The following TSPAN11 variants were observed in gnomAD, a reference collection of about 807,000 sequenced individuals.
The protein encoded by TSPAN11 is tetraspanin-11.
In TSPAN11, 29 loss-of-function variants were observed where a neutral mutation model predicts 32.9. The ratio of observed to expected loss-of-function variants is 0.88; its 90% CI spans 0.66 to 1.20. The LOEUF is 1.20. Among genes scored for constraint, TSPAN11 ranks in the 50% most tolerant of loss-of-function variants. The pLI, the probability that TSPAN11 is intolerant of heterozygous loss-of-function variation, is 0.00. For missense variants in TSPAN11, 283 were observed against 329.1 expected, an observed-to-expected ratio of 0.86 and a Z score of 1.08; for synonymous variants, 140 against 141.3, an observed-to-expected ratio of 0.99 and a Z score of 0.07.
At chr12:31,012,646 G>A in the TSPAN11 span, 1 of 152,082 alleles carries the variant, frequency 6.6e-6, no homozygotes, top group African/African-American at 2.4e-5. Flanking sequence ...AACCTGCCTC[G>A]AATACTCATG....
At chr12:30,961,557 G>T (rs1282286645) in intron 2 of TSPAN11, among the ~76,000 whole-genome samples, 1 of 151,946 alleles carries the variant, frequency 6.6e-6, no homozygotes, top group Non-Finnish European at 1.5e-5. Flanking sequence ...GTTTTCTAAA[G>T]AGATGACCAT....
At chr12:30,991,668 C>G (rs774769505) in intron 7 of TSPAN11, among the ~76,000 whole-genome samples, 188 bp from the exon 8 acceptor site, 3 of 152,214 alleles carry the variant, frequency 2.0e-5, no homozygotes, top group Admixed American at 6.5e-5. Flanking sequence ...CCACCATCAC[C>G]TGGGAGCTTG....
chr12:30,942,848 G>A (rs954591939), intron 1 of TSPAN11, among the ~76,000 whole-genome samples: 3 of 152,136 alleles, frequency 2.0e-5, no homozygotes, highest in Admixed American at 6.5e-5. Context: ...CACCATCCAT[G>A]TGACTCTGTA....
At chr12:30,947,244 A>G (rs1938287353) in intron 1 of TSPAN11, among the ~76,000 whole-genome samples, 1 of 152,316 alleles carries the variant, frequency 6.6e-6, no homozygotes, top group African/African-American at 2.4e-5. Flanking sequence ...AGGGGAGTCC[A>G]TTAGGACAGC....
Position 30,978,569 on chromosome 12 carries a change from C to T in TSPAN11, c.285C>T (p.Cys95=). 6.2e-7 allele frequency: 1 copy of T among 1,614,204 alleles called. No homozygotes were observed. Among genetic ancestry groups the T allele is most frequent in the Non-Finnish European group, 8.5e-7 (1 of 1,180,020 alleles). ...ERKGCLSTYF[C]LLLVIFLVEL... is the part of the protein sequence containing the mutation. The stretch of plus-strand genomic sequence containing the variant: ...TCTCTCTTTGCTGCTAGTATTTCTG[C>T]CTGTTGCTCGTCATCTTCCTGGTTG... Residue 95 remains cysteine (C), a synonymous_variant, in exon 4 of 8, where the codon TGC becomes TGT. Coordinates refer to ENST00000546076, the MANE Select transcript of TSPAN11 (RefSeq NM_001370302.1).
rs774326049 is a variant in TSPAN11 at position 30,979,624 on chromosome 12, C to G, written c.410C>G (p.Pro137Arg). 6.2e-7 allele frequency: 1 copy of G among 1,614,172 alleles called. No homozygotes were observed. Among genetic ancestry groups the G allele is most frequent in the South Asian group, 1.1e-5 (1 of 91,080 alleles). ...NRTLAENYGQ[P>R]GATQITASVD... is the part of the protein sequence containing the mutation. ...ACTCTGGCTGAGAACTACGGGCAGC[C>G]CGGAGCCACGCAGATCACCGCCTCA... Residue 137 changes from proline to arginine, a missense_variant, in exon 5 of 8, where the codon CCC (proline) becomes CGC (arginine). By Grantham distance (103) the Pro-to-Arg change is moderately radical. Transcript: ENST00000546076.
At chr12:30,988,413 C>T (rs1939244541) in intron 7 of TSPAN11, 1 of 152,148 alleles carries the variant, frequency 6.6e-6, no homozygotes, top group Non-Finnish European at 1.5e-5. Flanking sequence ...CAAGGTGAAA[C>T]CCTGTCTGTA....
At chr12:30,976,205 T>A (rs1019617806) in intron 3 of TSPAN11, among the ~76,000 whole-genome samples, 2 of 152,234 alleles carry the variant, frequency 1.3e-5, no homozygotes, top group African/African-American at 4.8e-5. Context: ...GTACCCCTCA[T>A]GCTGTGGGAC....
intron 1 of TSPAN11, among the ~76,000 whole-genome samples, chr12:30,946,854 G>A (rs186772251): frequency 5.3e-5 from 8 of 152,306 alleles, no homozygotes; most frequent in South Asian, 4.1e-4. Flanking sequence ...GGGGCTGTCC[G>A]TGATTCTGTG....
At chr12:30,943,225 C>T (rs2140276692) in intron 1 of TSPAN11, among the ~76,000 whole-genome samples, 1 of 152,322 alleles carries the variant, frequency 6.6e-6, no homozygotes, top group South Asian at 2.1e-4. Context: ...CCGCCAGAGA[C>T]CACCAAGCTA....
chr12:31,002,923 C>G, the TSPAN11 span, among the ~76,000 whole-genome samples: 1,079 of 152,240 alleles, frequency 7.1e-3, 11 homozygotes, highest in African/African-American at 0.025. This position sits in a 1 kb window ranked among gnomAD's most constrained non-coding sequence, Gnocchi z 4.8. Flanking sequence ...GCTCCAGCTG[C>G]GGGCTGTGGG....
chr12:30,928,321 G>C (rs953243808), intron 1 of TSPAN11, among the ~76,000 whole-genome samples: 1 of 152,178 alleles, frequency 6.6e-6, no homozygotes, highest in African/African-American at 2.4e-5. Context: ...GCAGTAAGGA[G>C]CACCCTTCAC....
chr12:30,948,276 G>A (rs921462460), intron 1 of TSPAN11, among the ~76,000 whole-genome samples: 1 of 152,222 alleles, frequency 6.6e-6, no homozygotes, highest in Non-Finnish European at 1.5e-5. Context: ...CTGGAGGACA[G>A]TGGCCCCCTT....
chr12:30,934,940 A>AC (rs1938011455), intron 1 of TSPAN11, among the ~76,000 whole-genome samples: 1 of 151,652 alleles, frequency 6.6e-6, no homozygotes, highest in East Asian at 1.9e-4. Flanking sequence ...GCCTGTCCCC[A>AC]CCCCCATCTG....
chr12:30,988,120 C>T (rs528682827), intron 7 of TSPAN11, among the ~76,000 whole-genome samples: 1 of 152,300 alleles, frequency 6.6e-6, no homozygotes, highest in African/African-American at 2.4e-5. Flanking sequence ...GCAGGGGCCC[C>T]CCAGGCTTCT....
In TSPAN11 at chr12:30,996,543, G is replaced by A. The variant is rs1051841261; in HGVS notation, c.*4628G>A. On this transcript the variant is annotated 3_prime_UTR_variant, in exon 8 of 8. Transcript: ENST00000546076. ...CTGTCCTTAGCTGATCTAGGTGGAA[G>A]CCCAGCTTCATGTGCTAGGGGGCAT... 53 of 152,214 alleles carry A rather than the reference G, an allele frequency of 3.5e-4. No homozygotes were observed. The highest frequency in any genetic ancestry group is 1.3e-3 in the African/African-American group (52 of 41,462). 9.4% of individuals were successfully genotyped at this position (152,214 alleles called of 1,614,324 possible). A position where few individuals can be genotyped will look rare whatever the true frequency, so the allele number is the denominator to read the frequency against.
rs55772956 is a variant in TSPAN11, at chr12:30,984,552, C to CTTTTTT, written c.702+1421_702+1426dup. Among the ~76,000 whole-genome samples, 102 of 68,564 alleles carry CTTTTTT rather than the reference C, an allele frequency of 1.5e-3. 3 individuals are homozygous for CTTTTTT. Among genetic ancestry groups the CTTTTTT allele is most frequent in the Non-Finnish European group, 1.7e-3 (65 of 38,214 alleles). 45.0% of individuals were successfully genotyped at this position (68,564 alleles called of 152,430 possible). A position where few individuals can be genotyped will look rare whatever the true frequency, so the allele number is the denominator to read the frequency against. On this transcript the variant is annotated intron_variant, in intron 7 of 7. Transcript: ENST00000546076. Reference sequence around the variant, plus strand: ...AAGGAGTAGTGTTCTTCGCTTTTTGCTTTTTTTTTTTTTTTTTTTTTTTTG... The same window carrying CTTTTTT: ...AAGGAGTAGTGTTCTTCGCTTTTTGCTTTTTTTTTTTTTTTTTTTTTTTTTTTTTTG...
At chr12:30,998,164 C>T (rs541308580), downstream of TSPAN11, among the ~76,000 whole-genome samples, 15 of 152,326 alleles carry the variant, frequency 9.8e-5, no homozygotes, top group African/African-American at 3.4e-4. Context: ...CCCTCCAGGC[C>T]CTTTCCTGCT....
chr12:31,001,964 C>G, the TSPAN11 span, among the ~76,000 whole-genome samples: 1 of 152,166 alleles, frequency 6.6e-6, no homozygotes, highest in Non-Finnish European at 1.5e-5. Context: ...GTCCACAGAC[C>G]TGGTGGCAGG....
Sources: allele counts gnomAD v4.1 joint callset (sites outside exome capture counted in the v4.1 genomes callset), GRCh38; gene constraint gnomAD v4.1.1; non-coding constraint Gnocchi (gnomAD v3.1); transcripts MANE v1.5; gene names NCBI Gene and HGNC (gene_info 2026-07-23, HGNC 2026-07-21).